SELE: variants seen among roughly 807,000 people sequenced by gnomAD.
SELE encodes the protein E-selectin.
A neutral mutation model predicts 75.8 loss-of-function variants in SELE; 52 were observed. The ratio of observed to expected loss-of-function variants is 0.69; its 90% CI spans 0.55 to 0.86. The LOEUF is 0.86. SELE is among the 40% of genes least tolerant of loss of function. SELE has a pLI of 0.00. For synonymous variants in SELE, 285 were observed against 258.7 expected (o/e 1.10, Z -0.98); for missense variants, 754 against 732.7 (o/e 1.03, Z -0.34).
chr1:169,728,988 G>A (rs1648841555), intron 7 of SELE, among the ~76,000 whole-genome samples, 198 bp downstream of exon 7: 1 of 152,086 alleles, frequency 6.6e-6, no homozygotes, highest in Non-Finnish European at 1.5e-5. Context: ...AAAAAAAACA[G>A]CAAAGAATTC....
chr1:169,726,565 C>G (rs1016829358), intron 11 of SELE, 134 bp downstream of exon 11: 2 of 701,074 alleles, frequency 2.9e-6, no homozygotes, highest in Non-Finnish European at 5.0e-6. Context: ...TTTCTTAATA[C>G]TTCTGCTTAA....
In SELE at chr1:169,730,437, C is replaced by A; in HGVS notation, c.710G>T (p.Cys237Phe). ...GCATTCTCAGAGGGATTTACCATTGCAGGCTGGAATAGGAGCACTCCATTC... is the reference window on the plus strand; with the variant it reads ...GCATTCTCAGAGGGATTTACCATTGAAGGCTGGAATAGGAGCACTCCATTC... ...SGEWSAPIPA[C>F]NVVECDAVTN... The change falls in exon 5 of 14, where the codon TGC (cysteine) becomes TTC (phenylalanine). Residue 237 changes from cysteine to phenylalanine, a missense_variant. Coordinates refer to ENST00000333360, the MANE Select transcript of SELE (RefSeq NM_000450.2). 6.3e-7 allele frequency: 1 copy of A among 1,586,220 alleles called. No individual in the cohort carries two copies. Among genetic ancestry groups the A allele is most frequent in the Non-Finnish European group, 8.6e-7 (1 of 1,162,002 alleles).
At chr1:169,730,696 T>C in intron 4 of SELE, 79 bp from the exon 5 acceptor site, 4 of 837,790 alleles carry the variant, frequency 4.8e-6, no homozygotes, top group Non-Finnish European at 6.6e-6. Flanking sequence ...AACTACAGTT[T>C]GGTTTTTTTT....
At chr1:169,733,932 A>G (rs1273423723) in intron 1 of SELE, 39 bp downstream of exon 1, 1 of 370,710 alleles carries the variant, frequency 2.7e-6, no homozygotes, top group Non-Finnish European at 5.0e-6. Context: ...TCTGTGTTTC[A>G]TGGCCCGAGG....
intron 5 of SELE, among the ~76,000 whole-genome samples, chr1:169,729,936 A>G (rs1345437149): frequency 6.6e-6 from 1 of 152,200 alleles, no homozygotes; most frequent in East Asian, 1.9e-4. Flanking sequence ...ATTTAAAAAA[A>G]ATAGATTCCA....
chr1:169,726,619 TA>T, intron 11 of SELE, 79 bp downstream of exon 11: 1 of 964,572 alleles, frequency 1.0e-6, no homozygotes, highest in Non-Finnish European at 1.6e-6. Context: ...TTTAAATCAG[TA>T]AGCAAGACCA....
chr1:169,728,322 G>T, intron 7 of SELE, 76 bp from the exon 8 acceptor site: 1 of 1,349,066 alleles, frequency 7.4e-7, no homozygotes, highest in Admixed American at 2.1e-5. Flanking sequence ...AGTGAACCCA[G>T]TTCATTCAAG....
chr1:169,732,524 A>G (rs1648938473), intron 3 of SELE, 91 bp downstream of exon 3: 3 of 1,424,508 alleles, frequency 2.1e-6, no homozygotes, highest in Admixed American at 2.5e-5. Context: ...ACATAAAATG[A>G]CCACAATAGA....
Position 169,730,476 on chromosome 1 carries a change from C to T in SELE, c.671G>A (p.Cys224Tyr). ...YLPSSMETMQ[C>Y]MSSGEWSAPI... The stretch of plus-strand genomic sequence containing the variant: ...AGCACTCCATTCTCCAGAGGACATA[C>T]ACTGCATGGTCTCCATGCTGCTTGG... Residue 224 changes from cysteine (C) to tyrosine (Y), a missense_variant, in exon 5 of 14, where the codon TGT (cysteine) becomes TAT (tyrosine). Physicochemically the swap from Cys to Tyr is radical, Grantham distance 194. Transcript: ENST00000333360. 1.2e-6 allele frequency: 2 copies of T among 1,614,044 alleles called. No homozygotes were observed. The highest frequency in any genetic ancestry group is 1.7e-6 in the Non-Finnish European group (2 of 1,179,960).
intron 1 of SELE, 49 bp downstream of exon 1, chr1:169,733,922 T>C (rs113273236): frequency 3.2e-4 from 125 of 396,236 alleles, no homozygotes; most frequent in African/African-American, 2.0e-3. Flanking sequence ...CTTTTGCATA[T>C]CTGTGTTTCA....
Position 169,732,963 on chromosome 1 carries a change from T to C in SELE, c.73A>G (p.Asn25Asp). ...LIKESGAWSY[N>D]TSTEAMTYDE... Reference sequence around the variant, plus strand: ...TAAGTCATAGCTTCCGTGGAGGTGTTGTAAGACCAGGCTCCACTCTCTTTA... The same window carrying C: ...TAAGTCATAGCTTCCGTGGAGGTGTCGTAAGACCAGGCTCCACTCTCTTTA... The change falls in exon 3 of 14, where the codon AAC (asparagine) becomes GAC (aspartate). Residue 25 changes from asparagine to aspartate, a missense_variant. Coordinates refer to ENST00000333360, the MANE Select transcript of SELE (RefSeq NM_000450.2). 1 of 1,608,036 alleles carries C rather than the reference T, an allele frequency of 6.2e-7. No homozygotes were observed. Among genetic ancestry groups the C allele is most frequent in the Non-Finnish European group, 8.5e-7 (1 of 1,178,150 alleles).
Position 169,732,796 on chromosome 1 carries a change from C to G in SELE, c.240G>C (p.Val80=). The G allele has an allele frequency of 6.2e-7, 1 of 1,614,150 alleles. No homozygotes were observed. Among genetic ancestry groups the G allele is most frequent in the Non-Finnish European group, 8.5e-7 (1 of 1,180,008 alleles). Residue 80 remains valine, a synonymous_variant, in exon 3 of 14, where the codon GTG becomes GTC. Coordinates refer to ENST00000333360, the MANE Select transcript of SELE (RefSeq NM_000450.2). ...GTTTCTGGGTTCCTACCCAGACCCA[C>G]ACATTGTTGACTTTTCTGATTCCAA... ...YWIGIRKVNN[V]WVWVGTQKPL...
In SELE at chr1:169,727,848, G is replaced by T. The variant is rs749240874; in HGVS notation, c.1359C>A (p.Tyr453Ter). The change falls in exon 9 of 14, where the codon TAC becomes TAA. Residue 453 changes from tyrosine (Y) to a stop codon, truncating the protein, a stop_gained. Coordinates refer to ENST00000333360, the MANE Select transcript of SELE (RefSeq NM_000450.2). LOFTEE classifies it high-confidence loss of function. ...CAHSPIGEFTYKSSCAFSCEE... is the reference protein window; with the variant it reads ...CAHSPIGEFT ...CACAGCTGAAGGCACAAGAGGACTTGTAGGTGAATTCTCCAATAGGGGAAT... is the reference window on the plus strand; with the variant it reads ...CACAGCTGAAGGCACAAGAGGACTTTTAGGTGAATTCTCCAATAGGGGAAT... 1 of 1,614,156 alleles carries T rather than the reference G, an allele frequency of 6.2e-7. No homozygotes were observed. The highest frequency in any genetic ancestry group is 8.5e-7 in the Non-Finnish European group (1 of 1,180,006).
At chr1:169,728,772 T>C (rs933457125) in intron 7 of SELE, among the ~76,000 whole-genome samples, 1 of 152,260 alleles carries the variant, frequency 6.6e-6, no homozygotes, top group African/African-American at 2.4e-5. Context: ...GCATCAATAC[T>C]ATCTCTGTAG....
chr1:169,728,791 A>G (rs1224510007), intron 7 of SELE, among the ~76,000 whole-genome samples: 4 of 152,242 alleles, frequency 2.6e-5, no homozygotes, highest in Non-Finnish European at 2.9e-5. Context: ...AGCTGACACC[A>G]TGCTTGAAAC....
intron 9 of SELE, 56 bp from the exon 10 acceptor site, chr1:169,727,581 AAAAC>A: frequency 1.9e-6 from 3 of 1,577,020 alleles, no homozygotes; most frequent in Non-Finnish European, 2.6e-6. Flanking sequence ...GAAAACTTCC[AAAAC>A]TTGCTTAAAA....
intron 4 of SELE, among the ~76,000 whole-genome samples, chr1:169,731,082 A>G (rs1017107920): frequency 6.6e-6 from 1 of 152,194 alleles, no homozygotes; most frequent in Non-Finnish European, 1.5e-5. Flanking sequence ...TGCACTGTCT[A>G]CTATAGTAGC....
At position 169,723,954 on chromosome 1, in the gene SELE, C is replaced by A. The variant is rs573510239; in HGVS notation, c.*571G>T. On this transcript the variant is annotated 3_prime_UTR_variant, in exon 14 of 14. Transcript: ENST00000333360. ...TGATTAAATTGTGCATAGTAACCCT[C>A]GCACAGAGCATTCAGTAGGATTTGC... 6.6e-6 allele frequency: 1 copy of A among 152,242 alleles called. No homozygotes were observed. Among genetic ancestry groups the A allele is most frequent in the Non-Finnish European group, 1.5e-5 (1 of 68,046 alleles). The allele number at this position is 152,242 out of a possible 1,614,324, so 9.4% of individuals were successfully genotyped here.
intron 3 of SELE, 114 bp downstream of exon 3, chr1:169,732,501 A>G: frequency 2.3e-6 from 3 of 1,300,334 alleles, no homozygotes; most frequent in Non-Finnish European, 3.1e-6. Flanking sequence ...GCAGTTAAAC[A>G]GAATCTTTTG....
Sources: allele counts gnomAD v4.1 joint callset (sites outside exome capture counted in the v4.1 genomes callset), GRCh38; gene constraint gnomAD v4.1.1; transcripts MANE v1.5; gene names NCBI Gene and HGNC (gene_info 2026-07-23, HGNC 2026-07-21).